FBXL14: variants seen among roughly 807,000 people sequenced by gnomAD.
FBXL14 encodes the protein F-box/LRR-repeat protein 14.
A neutral mutation model predicts 24.5 loss-of-function variants in FBXL14; 11 were observed. The ratio of observed to expected loss-of-function variants is 0.45; its 90% CI spans 0.28 to 0.74. FBXL14 has a LOEUF of 0.74. FBXL14 is among the 30% of genes least tolerant of loss of function. The pLI is 0.12. For synonymous variants in FBXL14, 294 were observed against 240.4 expected (o/e 1.22, Z -2.06); for missense variants, 384 against 545.6 (o/e 0.70, Z 2.95).
In FBXL14 at chr12:1,567,888, C is replaced by CGCGCACACACGT; in HGVS notation, c.1195-1090_1195-1079dup. ...AAGAAAACCCACCCACACGCACACG[C>CGCGCACACACGT]GCGCACACACGTGCGCACACACACA... On this transcript the variant is annotated intron_variant, in intron 1 of 1. Coordinates refer to ENST00000339235, the MANE Select transcript of FBXL14 (RefSeq NM_152441.3). The surrounding 1 kb of genome is among the most constrained non-coding windows in gnomAD (Gnocchi z 4.8). Among the ~76,000 whole-genome samples, 2 of 152,234 alleles carry CGCGCACACACGT rather than the reference C, an allele frequency of 1.3e-5. No homozygotes were observed. Among genetic ancestry groups the CGCGCACACACGT allele is most frequent in the East Asian group, 3.9e-4 (2 of 5,176 alleles).
At chr12:1,589,125 C>T (rs2094482969) in intron 1 of FBXL14, among the ~76,000 whole-genome samples, 2 of 150,428 alleles carry the variant, frequency 1.3e-5, no homozygotes, top group Admixed American at 6.7e-5. Flanking sequence ...GAGTGGCTCA[C>T]GCCTGTAATC....
intron 1 of FBXL14, among the ~76,000 whole-genome samples, chr12:1,591,394 T>C (rs1291885551): frequency 6.6e-6 from 1 of 151,860 alleles, no homozygotes; most frequent in Non-Finnish European, 1.5e-5. Flanking sequence ...CCTCTTTTAT[T>C]ATATAAATAT....
intron 1 of FBXL14, among the ~76,000 whole-genome samples, chr12:1,592,054 A>G (rs958490026): frequency 7.9e-5 from 12 of 152,012 alleles, no homozygotes; most frequent in Non-Finnish European, 1.2e-4. Context: ...AGAAGCCAAC[A>G]CAAAAAGACG....
chr12:1,580,118 G>A (rs2094463333), intron 1 of FBXL14, among the ~76,000 whole-genome samples: 9 of 152,174 alleles, frequency 5.9e-5, no homozygotes, highest in Admixed American at 5.9e-4. Context: ...GCTCAGTGTC[G>A]AGGGAAGGGT....
chr12:1,576,982 G>T (rs2094457163), intron 1 of FBXL14, among the ~76,000 whole-genome samples: 1 of 152,210 alleles, frequency 6.6e-6, no homozygotes, highest in African/African-American at 2.4e-5. Context: ...AGGAATATTT[G>T]TTAGCATTTT....
At chr12:1,582,451 C>T (rs567118043) in intron 1 of FBXL14, among the ~76,000 whole-genome samples, 1 of 152,070 alleles carries the variant, frequency 6.6e-6, no homozygotes, top group Non-Finnish European at 1.5e-5. Flanking sequence ...CAGGGTGATA[C>T]GTGTTTGCTT....
At chr12:1,577,175 A>T (rs2154437903) in intron 1 of FBXL14, among the ~76,000 whole-genome samples, 1 of 152,328 alleles carries the variant, frequency 6.6e-6, no homozygotes, top group East Asian at 1.9e-4. Context: ...TGCTCACCAT[A>T]GGCCCTCTGG....
rs1335318742 is a variant in FBXL14 at position 1,569,938 on chromosome 12, T to C, written c.1195-3128A>G. 1.3e-5 allele frequency among the ~76,000 whole-genome samples: 2 copies of C among 152,380 alleles called. No individual in the cohort carries two copies. Among genetic ancestry groups the C allele is most frequent in the East Asian group, 3.9e-4 (2 of 5,182 alleles). On this transcript the variant is annotated intron_variant, in intron 1 of 1. Transcript: ENST00000339235. This position sits in a 1 kb window ranked among gnomAD's most constrained non-coding sequence, Gnocchi z 4.2. ...GCATCCCCCTCGAGAGCTGCACTTC[T>C]GCCCTCAGGCCCACTGAGCTCCTTC... is the stretch of plus-strand genomic sequence containing the variant.
chr12:1,577,326 C>G (rs910471185), intron 1 of FBXL14, among the ~76,000 whole-genome samples: 1 of 152,040 alleles, frequency 6.6e-6, no homozygotes, highest in Non-Finnish European at 1.5e-5. Flanking sequence ...AGGATGTAGC[C>G]CCTCCTCGGG....
At chr12:1,574,063 C>T (rs901660903) in intron 1 of FBXL14, among the ~76,000 whole-genome samples, 3 of 151,012 alleles carry the variant, frequency 2.0e-5, no homozygotes, top group African/African-American at 7.3e-5. Flanking sequence ...GAATAAGAGG[C>T]TGCGATTCAG....
At chr12:1,588,054 A>G (rs1455356534) in intron 1 of FBXL14, among the ~76,000 whole-genome samples, 2 of 152,248 alleles carry the variant, frequency 1.3e-5, no homozygotes, top group Non-Finnish European at 2.9e-5. Flanking sequence ...TTTCTACCGC[A>G]GAACACAGCA....
At chr12:1,588,240 C>T (rs755863695) in intron 1 of FBXL14, among the ~76,000 whole-genome samples, 5 of 152,204 alleles carry the variant, frequency 3.3e-5, no homozygotes, top group Middle Eastern at 6.8e-3. Context: ...AACTTGAATT[C>T]GAATTCTCTA....
At chr12:1,578,949 G>T (rs752399376) in intron 1 of FBXL14, among the ~76,000 whole-genome samples, 3 of 152,028 alleles carry the variant, frequency 2.0e-5, no homozygotes, top group Non-Finnish European at 2.9e-5. Flanking sequence ...TTCATGTAAA[G>T]TCGGGTGAAG....
intron 1 of FBXL14, among the ~76,000 whole-genome samples, chr12:1,591,030 G>A (rs976555714): frequency 1.3e-5 from 2 of 152,124 alleles, no homozygotes; most frequent in African/African-American, 4.8e-5. Context: ...CTGGCCACTC[G>A]GGGAAACTGT....
At position 1,593,836 on chromosome 12, in the gene FBXL14, G is replaced by A. The variant is rs756324431; in HGVS notation, c.231C>T (p.Ser77=). The change falls in exon 1 of 2, where the codon AGC becomes AGT. Residue 77 remains serine, a synonymous_variant. Coordinates refer to ENST00000339235, the MANE Select transcript of FBXL14 (RefSeq NM_152441.3). The surrounding 1 kb of genome is among the most constrained non-coding windows in gnomAD (Gnocchi z 7.4). ...ARGIRRVQIL[S]LRRSLSYVIQ... is the part of the protein sequence containing the mutation. ...TCACGTAGCTGAGGCTGCGGCGGAG[G>A]CTCAGGATCTGCACCCGGCGGATGC... 7 of 1,613,806 alleles carry A rather than the reference G, an allele frequency of 4.3e-6. No individual in the cohort carries two copies. In the African/African-American group the frequency reaches 5.3e-5, roughly 12 times the overall value.
intron 1 of FBXL14, among the ~76,000 whole-genome samples, chr12:1,578,490 A>C (rs934065373): frequency 6.6e-6 from 1 of 151,984 alleles, no homozygotes; most frequent in African/African-American, 2.4e-5. Flanking sequence ...AAAATACAAA[A>C]ATTAGCCAGG....
chr12:1,586,295 A>G (rs2094476356), intron 1 of FBXL14, among the ~76,000 whole-genome samples: 1 of 151,320 alleles, frequency 6.6e-6, no homozygotes, highest in African/African-American at 2.4e-5. Flanking sequence ...GAAGTCCGAG[A>G]TTGTAGTGAG....
intron 1 of FBXL14, among the ~76,000 whole-genome samples, chr12:1,583,223 T>C (rs2154438098): frequency 6.6e-6 from 1 of 152,240 alleles, no homozygotes; most frequent in South Asian, 2.1e-4. Flanking sequence ...GATTTTTCTT[T>C]TGTAATAAAA....
At position 1,566,643 on chromosome 12, in the gene FBXL14, A is replaced by G. The variant is rs79749842; in HGVS notation, c.*105T>C. On this transcript the variant is annotated 3_prime_UTR_variant, in exon 2 of 2. Coordinates refer to ENST00000339235, the MANE Select transcript of FBXL14 (RefSeq NM_152441.3). ...GGCAGCAGCCTCTGCCCGAGCAGTG[A>G]CAGGCAGGGAAACCTGAGCTGTCAT... 1.9e-3 allele frequency: 1,442 copies of G among 743,626 alleles called. 16 individuals are homozygous for G. The African/African-American group carries it at 0.021, about 11-fold the overall frequency. 46.1% of individuals were successfully genotyped at this position (743,626 alleles called of 1,614,324 possible). A position where few individuals can be genotyped will look rare whatever the true frequency, so the allele number is the denominator to read the frequency against.
Sources: allele counts gnomAD v4.1 joint callset (sites outside exome capture counted in the v4.1 genomes callset), GRCh38; gene constraint gnomAD v4.1.1; non-coding constraint Gnocchi (gnomAD v3.1); transcripts MANE v1.5; gene names NCBI Gene and HGNC (gene_info 2026-07-23, HGNC 2026-07-21).